Variants in SLC35F3 observed in about 807,000 individuals in gnomAD.
The protein encoded by SLC35F3 is putative thiamine transporter SLC35F3.
In SLC35F3, 25 loss-of-function variants were observed where a neutral mutation model predicts 49.9. That is an observed-to-expected ratio of 0.50 (90% CI 0.37 to 0.70). The LOEUF (loss-of-function observed/expected upper bound fraction) is 0.70, where lower values mean the gene tolerates loss of function less well. SLC35F3 is among the 30% of genes least tolerant of loss of function. The pLI, the probability that SLC35F3 is intolerant of heterozygous loss-of-function variation, is 0.00. For synonymous variants in SLC35F3, 275 were observed against 265.4 expected, an observed-to-expected ratio of 1.04 and a Z score of -0.35; for missense variants, 525 against 639.8, an observed-to-expected ratio of 0.82 and a Z score of 1.94.
intron 2 of SLC35F3, among the ~76,000 whole-genome samples, chr1:234,227,687 C>T (rs1667309218): frequency 1.3e-5 from 2 of 152,010 alleles, no homozygotes; most frequent in Admixed American, 6.5e-5. Context: ...CGTGAGCCAC[C>T]GTGCCCGGCC....
chr1:234,237,614 T>C (rs1667494596), intron 3 of SLC35F3, among the ~76,000 whole-genome samples: 1 of 152,182 alleles, frequency 6.6e-6, no homozygotes, highest in African/African-American at 2.4e-5. Flanking sequence ...TTCCAGCCTG[T>C]TGTTCCTATC....
chr1:234,019,004 T>C (rs1663850570), intron 2 of SLC35F3, among the ~76,000 whole-genome samples: 1 of 152,216 alleles, frequency 6.6e-6, no homozygotes, highest in South Asian at 2.1e-4. Context: ...AGAGCAATGC[T>C]ACCTTTGGCC....
At chr1:234,011,026 A>G (rs1663709481) in intron 2 of SLC35F3, among the ~76,000 whole-genome samples, 1 of 152,218 alleles carries the variant, frequency 6.6e-6, no homozygotes, top group African/African-American at 2.4e-5. Flanking sequence ...GCTAATTCAT[A>G]TAAGCAAGAG....
chr1:234,140,002 A>AGTAAAATAAAATAAAATAAAATAAAAAT (rs1553308860), intron 2 of SLC35F3, among the ~76,000 whole-genome samples: 12 of 105,468 alleles, frequency 1.1e-4, no homozygotes, highest in African/African-American at 3.4e-4. Context: ...AATAAAATAA[A>AGTAAAATAAAATAAAATAAAATAAAAAT]GTAAGTGACT....
rs1251043867 is a variant in SLC35F3 at position 234,214,491 on chromosome 1, G to A, written c.284-16926G>A. On this transcript the variant is annotated intron_variant, in intron 2 of 7. Coordinates refer to ENST00000366618, the MANE Select transcript of SLC35F3 (RefSeq NM_173508.4). The surrounding 1 kb of genome is among the most constrained non-coding windows in gnomAD (Gnocchi z 8.0). ...GGCGGCAGCGCTCCTGCAGGCGGCC[G>A]GCTCATCATGAAGAAGCACTCGGCC... 7 of 1,527,568 alleles carry A rather than the reference G, an allele frequency of 4.6e-6. No individual in the cohort carries two copies. The highest frequency in any genetic ancestry group is 2.1e-5 in the Admixed American group (1 of 48,574). 94.6% of individuals were successfully genotyped at this position (1,527,568 alleles called of 1,614,324 possible).
chr1:234,074,142 T>G (rs1035333259), intron 2 of SLC35F3, among the ~76,000 whole-genome samples: 2 of 152,306 alleles, frequency 1.3e-5, no homozygotes, highest in Admixed American at 6.5e-5. Flanking sequence ...GGTGTCATCC[T>G]ACTCTTCATA....
intron 2 of SLC35F3, among the ~76,000 whole-genome samples, chr1:234,187,177 C>T (rs1196211077): frequency 1.3e-5 from 2 of 152,134 alleles, no homozygotes; most frequent in Non-Finnish European, 2.9e-5. Flanking sequence ...GCCTGCCAGC[C>T]CCAGGTGATG....
intron 2 of SLC35F3, among the ~76,000 whole-genome samples, chr1:234,123,112 A>G (rs543906987): frequency 6.6e-6 from 1 of 152,180 alleles, no homozygotes; most frequent in African/African-American, 2.4e-5. Context: ...CTCTTTCTCC[A>G]CAGCCTCTCC....
At chr1:234,088,030 T>G (rs1361545757) in intron 2 of SLC35F3, among the ~76,000 whole-genome samples, 1 of 152,254 alleles carries the variant, frequency 6.6e-6, no homozygotes, top group African/African-American at 2.4e-5. Context: ...TTTACTTCTT[T>G]GTGTTTTCAT....
intron 2 of SLC35F3, among the ~76,000 whole-genome samples, chr1:234,134,634 G>A (rs972508231): frequency 2.0e-5 from 3 of 152,082 alleles, no homozygotes; most frequent in African/African-American, 7.2e-5. Flanking sequence ...AACCAGAAAG[G>A]TTTGGAAAAT....
rs544703123 is a variant in SLC35F3, at chr1:234,255,177, A to C, written c.608+23436A>C. On this transcript the variant is annotated intron_variant, in intron 3 of 7. Coordinates refer to ENST00000366618, the MANE Select transcript of SLC35F3 (RefSeq NM_173508.4). ...TTAAAACTAAACTACATGAAAACCC[A>C]ACTCAAAAGTAGGCAAAAGATCAAA... 5.3e-5 allele frequency among the ~76,000 whole-genome samples: 8 copies of C among 152,350 alleles called. 1 individual carries two copies. The South Asian group carries it at 1.4e-3, about 28-fold the overall frequency.
chr1:233,989,651 G>GA (rs199860899), intron 2 of SLC35F3, among the ~76,000 whole-genome samples: 2,474 of 152,100 alleles, frequency 0.016, 33 homozygotes, highest in Non-Finnish European at 0.023. Flanking sequence ...TATTTTCACT[G>GA]AAAAAAATGC....
At chr1:234,069,239 TA>T (rs1664677640) in intron 2 of SLC35F3, among the ~76,000 whole-genome samples, 1 of 133,868 alleles carries the variant, frequency 7.5e-6, no homozygotes, top group Non-Finnish European at 1.5e-5. Flanking sequence ...TATATAAAAA[TA>T]TATAATATAT....
chr1:233,905,186 CG>C (rs1325778294), intron 1 of SLC35F3, 56 bp downstream of exon 1: 1 of 1,536,074 alleles, frequency 6.5e-7, no homozygotes. Flanking sequence ...GCCGGAGCGC[CG>C]GGGTAGCCCT....
intron 3 of SLC35F3, among the ~76,000 whole-genome samples, chr1:234,282,139 T>G (rs1668338451): frequency 6.6e-6 from 1 of 152,194 alleles, no homozygotes; most frequent in African/African-American, 2.4e-5. Flanking sequence ...TTAGTCACTC[T>G]CTGCAGGAAA....
Position 234,214,353 on chromosome 1 carries a change from G to T in SLC35F3, c.284-17064G>T, listed in dbSNP as rs984634782. 8 of 1,316,880 alleles carry T rather than the reference G, an allele frequency of 6.1e-6. No individual in the cohort carries two copies. Among genetic ancestry groups the T allele is most frequent in the African/African-American group, 1.6e-5 (1 of 64,406 alleles). 81.6% of individuals were successfully genotyped at this position (1,316,880 alleles called of 1,614,324 possible). ...GCAACCGGAGCCCGGCGGGCAGCCG[G>T]GGAGGCCGGGACTGAGAGGGGCGAG... On this transcript the variant is annotated intron_variant, in intron 2 of 7. Transcript: ENST00000366618. This position sits in a 1 kb window ranked among gnomAD's most constrained non-coding sequence, Gnocchi z 8.0.
At chr1:234,093,052 A>G (rs199920328) in intron 2 of SLC35F3, among the ~76,000 whole-genome samples, 3 of 152,280 alleles carry the variant, frequency 2.0e-5, no homozygotes, top group East Asian at 3.9e-4. Flanking sequence ...TTTGCCACAT[A>G]GAGTGTCTGG....
At chr1:234,108,678 A>T (rs1372616198) in intron 2 of SLC35F3, among the ~76,000 whole-genome samples, 7 of 96,318 alleles carry the variant, frequency 7.3e-5, no homozygotes, top group Admixed American at 3.3e-4. Flanking sequence ...AAAGATATAT[A>T]TATTTTTATA....
chr1:234,073,524 G>A (rs572030434), intron 2 of SLC35F3, among the ~76,000 whole-genome samples: 2 of 152,318 alleles, frequency 1.3e-5, no homozygotes, highest in African/African-American at 4.8e-5. Flanking sequence ...ATCATGGAAA[G>A]AAGCAGCAGC....
Sources: gnomAD v4.1 joint callset for allele counts (sites outside exome capture counted in the v4.1 genomes callset) on GRCh38, gnomAD v4.1.1 for gene constraint, Gnocchi (gnomAD v3.1) non-coding constraint, MANE v1.5 for transcripts, NCBI Gene and HGNC (gene_info 2026-07-23, HGNC 2026-07-21) for gene names.